The following EPHA6 variants were observed in gnomAD, a reference collection of about 807,000 sequenced individuals.
EPHA6 encodes the protein ephrin type-A receptor 6.
A neutral mutation model predicts 112.0 loss-of-function variants in EPHA6; 50 were observed. The observed-to-expected ratio is 0.45, with a 90% CI of 0.36 to 0.56. The LOEUF (loss-of-function observed/expected upper bound fraction) is 0.56, where lower values mean the gene tolerates loss of function less well. Ranked by LOEUF, EPHA6 falls within the 20% of genes least tolerant of loss-of-function variation. The pLI is 0.00. For synonymous variants in EPHA6, 529 were observed against 490.7 expected (o/e 1.08, Z -1.03); for missense variants, 1,280 against 1,417.4 (o/e 0.90, Z 1.56).
At chr3:97,649,386 C>T (rs887621668) in intron 14 of EPHA6, among the ~76,000 whole-genome samples, 4 of 152,044 alleles carry the variant, frequency 2.6e-5, no homozygotes, top group African/African-American at 9.7e-5. Flanking sequence ...ATTATTACAA[C>T]TCAGGGTGAG....
At chr3:97,361,915 C>A (rs759622112) in intron 5 of EPHA6, among the ~76,000 whole-genome samples, 2 of 152,116 alleles carry the variant, frequency 1.3e-5, no homozygotes, top group Non-Finnish European at 2.9e-5. Flanking sequence ...TACACTATAT[C>A]TAAAAGAAAT....
chr3:97,671,056 G>T (rs2030761474), intron 14 of EPHA6, among the ~76,000 whole-genome samples: 2 of 152,140 alleles, frequency 1.3e-5, no homozygotes, highest in African/African-American at 4.8e-5. Context: ...GTGGTGTCAA[G>T]TCAGTCACTG....
chr3:97,288,178 T>G (rs1312598672), intron 5 of EPHA6, among the ~76,000 whole-genome samples: 1 of 152,218 alleles, frequency 6.6e-6, no homozygotes, highest in Non-Finnish European at 1.5e-5. Flanking sequence ...AAATGATTCC[T>G]TCACCCAGGT....
At chr3:96,906,669 G>C (rs896424968) in intron 2 of EPHA6, among the ~76,000 whole-genome samples, 2 of 151,928 alleles carry the variant, frequency 1.3e-5, no homozygotes, top group African/African-American at 2.4e-5. Context: ...TGTGTTGCTC[G>C]TTGTGGTCAA....
chr3:97,240,931 A>G (rs1576751210), intron 4 of EPHA6, among the ~76,000 whole-genome samples: 1 of 151,972 alleles, frequency 6.6e-6, no homozygotes, highest in South Asian at 2.1e-4. Context: ...TGGGAAACAC[A>G]GTTATGTTTA....
intron 5 of EPHA6, among the ~76,000 whole-genome samples, chr3:97,254,379 G>A (rs1000116261): frequency 2.2e-4 from 33 of 152,140 alleles, no homozygotes; most frequent in African/African-American, 7.2e-4. Context: ...TAATAGAGAC[G>A]GGGTTTCACC....
intron 11 of EPHA6, among the ~76,000 whole-genome samples, chr3:97,581,069 C>T (rs1256625623): frequency 3.3e-5 from 5 of 152,188 alleles, no homozygotes; most frequent in Non-Finnish European, 1.5e-5. Flanking sequence ...TTCATGCTCA[C>T]ATAAGCAGTC....
chr3:97,698,126 C>G (rs2033152188), intron 14 of EPHA6, among the ~76,000 whole-genome samples: 1 of 152,090 alleles, frequency 6.6e-6, no homozygotes, highest in African/African-American at 2.4e-5. Flanking sequence ...CCTCAGCCTC[C>G]CGAGTACCTG....
intron 12 of EPHA6, among the ~76,000 whole-genome samples, chr3:97,600,800 T>C (rs1392488763): frequency 1.3e-5 from 2 of 151,164 alleles, no homozygotes; most frequent in African/African-American, 4.9e-5. Context: ...AGACTAGCAG[T>C]GCATTAAAAA....
chr3:97,238,655 A>AT (rs1190619379), intron 4 of EPHA6, among the ~76,000 whole-genome samples: 1 of 151,862 alleles, frequency 6.6e-6, no homozygotes, highest in Admixed American at 6.6e-5. Flanking sequence ...AGTTAGCTAT[A>AT]TTTTTTTCAA....
At chr3:96,829,075 A>C (rs563464345) in intron 1 of EPHA6, among the ~76,000 whole-genome samples, 3 of 152,226 alleles carry the variant, frequency 2.0e-5, no homozygotes, top group East Asian at 1.9e-4. Flanking sequence ...TCTCAGCCCA[A>C]CTTTATAATG....
intron 2 of EPHA6, among the ~76,000 whole-genome samples, chr3:96,946,174 CT>C (rs144293452): frequency 1.5e-3 from 234 of 151,168 alleles, no homozygotes; most frequent in African/African-American, 5.4e-3. Context: ...TAGCTCATTT[CT>C]TTTTTTTTAT....
chr3:97,302,065 G>C (rs775533837), intron 5 of EPHA6, among the ~76,000 whole-genome samples: 6 of 151,864 alleles, frequency 4.0e-5, no homozygotes, highest in Non-Finnish European at 8.8e-5. Context: ...GAAAATTGTT[G>C]ACTACATTTC....
chr3:97,715,344 G>A (rs561616189), intron 14 of EPHA6, among the ~76,000 whole-genome samples: 1 of 152,262 alleles, frequency 6.6e-6, no homozygotes, highest in South Asian at 2.1e-4. Flanking sequence ...GTCACACAGT[G>A]AACTATAGTA....
intron 2 of EPHA6, among the ~76,000 whole-genome samples, chr3:96,933,043 C>T (rs768714507): frequency 9.2e-5 from 14 of 152,000 alleles, no homozygotes; most frequent in Admixed American, 1.3e-4. Context: ...AATCATCCAT[C>T]TGGACGTCAA....
chr3:97,109,610 T>G (rs1391579913), intron 3 of EPHA6, among the ~76,000 whole-genome samples: 3 of 152,150 alleles, frequency 2.0e-5, no homozygotes, highest in African/African-American at 7.2e-5. Flanking sequence ...CAGAGTTGTT[T>G]TTGTGCTGGA....
chr3:97,744,468 G>A (rs1381240374), intron 16 of EPHA6, among the ~76,000 whole-genome samples: 1 of 151,960 alleles, frequency 6.6e-6, no homozygotes, highest in Admixed American at 6.6e-5. Context: ...AAGATAAGGT[G>A]AAAGAAAAGT....
intron 14 of EPHA6, among the ~76,000 whole-genome samples, chr3:97,660,482 G>A (rs893187349): frequency 6.6e-6 from 1 of 152,044 alleles, no homozygotes; most frequent in African/African-American, 2.4e-5. Flanking sequence ...AATTTAGCTT[G>A]CCTGGAACAA....
At position 97,743,311 on chromosome 3, in the gene EPHA6, A is replaced by G. The variant is rs142051337; in HGVS notation, c.3129-4112A>G. On this transcript the variant is annotated intron_variant, in intron 16 of 17. Coordinates refer to ENST00000389672, the MANE Select transcript of EPHA6 (RefSeq NM_001080448.3). ...ATCACGTATTTAATGAACTCCTATA[A>G]TGTTTTCAGCATTATGTGAGTGCCT... Among the ~76,000 whole-genome samples the G allele has an allele frequency of 1.9e-4, 29 of 152,184 alleles. No homozygotes were observed. The East Asian group carries it at 5.6e-3, about 29-fold the overall frequency.
Sources: allele counts gnomAD v4.1 joint callset (sites outside exome capture counted in the v4.1 genomes callset), GRCh38; gene constraint gnomAD v4.1.1; transcripts MANE v1.5; gene names NCBI Gene and HGNC (gene_info 2026-07-23, HGNC 2026-07-21).